The following SLC13A1 variants were observed in gnomAD, a reference collection of about 807,000 sequenced individuals.
The protein encoded by SLC13A1 is Na(+)/sulfate cotransporter.
A neutral mutation model predicts 70.0 loss-of-function variants in SLC13A1; 65 were observed. The observed-to-expected ratio is 0.93, with a 90% confidence interval of 0.76 to 1.14. The LOEUF (loss-of-function observed/expected upper bound fraction) is 1.14. Ranked by LOEUF, SLC13A1 falls within the 50% of genes most tolerant of loss-of-function variation. The pLI, the probability that SLC13A1 is intolerant of heterozygous loss-of-function variation, is 0.00. For missense variants in SLC13A1, 726 were observed against 717.8 expected (o/e 1.01, Z -0.13); for synonymous variants, 275 against 250.5 (o/e 1.10, Z -0.92).
chr7:123,119,289 T>A, intron 12 of SLC13A1, 47 bp from the exon 13 acceptor site: 1 of 1,263,574 alleles, frequency 7.9e-7, no homozygotes, highest in Non-Finnish European at 1.1e-6. Flanking sequence ...TAATTCTTTG[T>A]AATCAGACAC....
chr7:123,126,834 G>T (rs564425259), intron 10 of SLC13A1, among the ~76,000 whole-genome samples: 2 of 151,986 alleles, frequency 1.3e-5, no homozygotes, highest in South Asian at 4.1e-4. Flanking sequence ...ATTGGGCCAG[G>T]CATCATGTAA....
At chr7:123,185,381 CCT>C (rs1406896624) in intron 1 of SLC13A1, among the ~76,000 whole-genome samples, 1 of 151,980 alleles carries the variant, frequency 6.6e-6, no homozygotes, top group African/African-American at 2.4e-5. Context: ...GAGCTATTCC[CCT>C]GTTTTGTATT....
At chr7:123,135,054 T>C (rs1479932744) in intron 7 of SLC13A1, among the ~76,000 whole-genome samples, 1 of 152,216 alleles carries the variant, frequency 6.6e-6, no homozygotes, top group African/African-American at 2.4e-5. Flanking sequence ...TTTTCCTTTC[T>C]GTTTCTTCTA....
At chr7:123,187,992 A>G (rs1433276764) in intron 1 of SLC13A1, among the ~76,000 whole-genome samples, 1 of 152,094 alleles carries the variant, frequency 6.6e-6, no homozygotes, top group South Asian at 2.1e-4. Context: ...ACTTTACTAG[A>G]TATTGCCCAT....
chr7:123,147,313 G>A lies in SLC13A1; in HGVS notation c.661-3C>T. On this transcript the variant is annotated splice_polypyrimidine_tract_variant and splice_region_variant and intron_variant, in intron 6 of 14. Transcript: ENST00000194130. ...TATTTGGTTCTCATGCCTGAGTTCT[G>A]TTCAACAACAACAAAAAACTACCAT... 6.2e-7 allele frequency: 1 copy of A among 1,612,734 alleles called. No individual in the cohort carries two copies. Among genetic ancestry groups the A allele is most frequent in the South Asian group, 1.1e-5 (1 of 90,932 alleles).
At chr7:123,130,305 G>T (rs1392149298) in intron 8 of SLC13A1, among the ~76,000 whole-genome samples, 1 of 152,098 alleles carries the variant, frequency 6.6e-6, no homozygotes, top group Admixed American at 6.6e-5. Context: ...CAAAGACATG[G>T]AATCAACCCA....
At chr7:123,130,150 C>A (rs890057794) in intron 8 of SLC13A1, among the ~76,000 whole-genome samples, 2 of 152,074 alleles carry the variant, frequency 1.3e-5, no homozygotes, top group Non-Finnish European at 2.9e-5. Flanking sequence ...CTAAACTAAG[C>A]CTAGTCTTAG....
Position 123,125,650 on chromosome 7 carries a change from T to G in SLC13A1, c.1159A>C (p.Thr387Pro). ...AGCAGCCCTATAAGTAAAGCAACAG[T>G]TGAATCTGTAGCAAAACCAGGGTAC... ...SEYPGFATDSTVALLIGLLFF... is the reference protein window; with the variant it reads ...SEYPGFATDSPVALLIGLLFF... The change falls in exon 11 of 15, where the codon ACT becomes CCT. Residue 387 changes from threonine (T) to proline (P), a missense_variant. Thr to Pro is a conservative substitution (Grantham distance 38). Coordinates refer to ENST00000194130, the MANE Select transcript of SLC13A1 (RefSeq NM_022444.4). 6.2e-7 allele frequency: 1 copy of G among 1,612,982 alleles called. No individual in the cohort carries two copies. Among genetic ancestry groups the G allele is most frequent in the African/African-American group, 1.3e-5 (1 of 74,988 alleles).
At position 123,182,522 on chromosome 7, in the gene SLC13A1, C is replaced by G. The variant is rs538245656; in HGVS notation, c.100-1421G>C. 4.6e-5 allele frequency among the ~76,000 whole-genome samples: 7 copies of G among 152,160 alleles called. No homozygotes were observed. The East Asian group carries it at 1.4e-3, about 30-fold the overall frequency. ...ACTATTCCAATATCAGGTCACTTTC[C>G]AAGAATCCATTTTGTATTTGGCATT... On this transcript the variant is annotated intron_variant, in intron 1 of 14. Transcript: ENST00000194130.
chr7:123,123,006 C>T, intron 12 of SLC13A1, 120 bp downstream of exon 12: 1 of 750,726 alleles, frequency 1.3e-6, no homozygotes, highest in South Asian at 1.6e-5. Flanking sequence ...GCATAGCTAG[C>T]AAAATTTGCA....
Position 123,181,005 on chromosome 7 carries a change from A to G in SLC13A1, c.196T>C (p.Leu66=), listed in dbSNP as rs1288665749. The G allele has an allele frequency of 5.6e-6, 9 of 1,612,710 alleles. No individual in the cohort carries two copies. In the South Asian group the frequency reaches 8.8e-5, roughly 16 times the overall value. ...SVTALLPSLM[L]PMFGIMPSKK... ...GAAGGCATGATCCCAAACATGGGTAACATTAAACTAGGTAGCAAAGCTGTT... is the reference window on the plus strand; with the variant it reads ...GAAGGCATGATCCCAAACATGGGTAGCATTAAACTAGGTAGCAAAGCTGTT... The change falls in exon 2 of 15, where the codon TTA becomes CTA. Residue 66 remains leucine, a synonymous_variant. Coordinates refer to ENST00000194130, the MANE Select transcript of SLC13A1 (RefSeq NM_022444.4).
chr7:123,116,360 A>G (rs1793180962), intron 14 of SLC13A1, among the ~76,000 whole-genome samples: 1 of 152,230 alleles, frequency 6.6e-6, no homozygotes, highest in Admixed American at 6.5e-5. Context: ...ATTTGTTTAC[A>G]TATTTTCTTT....
At chr7:123,183,985 A>G (rs1795718808) in intron 1 of SLC13A1, among the ~76,000 whole-genome samples, 1 of 152,140 alleles carries the variant, frequency 6.6e-6, no homozygotes, top group Admixed American at 6.6e-5. Flanking sequence ...TTATAATTTC[A>G]GCTAGCTAAG....
intron 7 of SLC13A1, among the ~76,000 whole-genome samples, chr7:123,143,880 A>G (rs1303249558): frequency 6.6e-6 from 1 of 152,184 alleles, no homozygotes; most frequent in Non-Finnish European, 1.5e-5. Context: ...TAAGCCACTA[A>G]GTTGATTGCC....
At chr7:123,143,663 T>A (rs1406069045) in intron 7 of SLC13A1, among the ~76,000 whole-genome samples, 1 of 152,150 alleles carries the variant, frequency 6.6e-6, no homozygotes, top group Non-Finnish European at 1.5e-5. Context: ...CCTCTTTCAA[T>A]GATATGAAAT....
At chr7:123,118,974 G>C in intron 13 of SLC13A1, 107 bp downstream of exon 13, 1 of 894,264 alleles carries the variant, frequency 1.1e-6, no homozygotes, top group Non-Finnish European at 1.7e-6. Flanking sequence ...CTTACAGGAG[G>C]CCCATTTAGA....
At chr7:123,124,768 A>G (rs1330965085) in intron 11 of SLC13A1, among the ~76,000 whole-genome samples, 2 of 152,100 alleles carry the variant, frequency 1.3e-5, no homozygotes, top group Admixed American at 1.3e-4. Context: ...TTGTAAATAC[A>G]ATGAATGCTG....
At chr7:123,136,370 AATC>A (rs1176174668) in intron 7 of SLC13A1, among the ~76,000 whole-genome samples, 1 of 152,190 alleles carries the variant, frequency 6.6e-6, no homozygotes, top group Admixed American at 6.5e-5. Context: ...ATGCCTCTAT[AATC>A]ATAACCTTTA....
chr7:123,162,639 C>T (rs1794952699), intron 6 of SLC13A1, among the ~76,000 whole-genome samples: 1 of 151,988 alleles, frequency 6.6e-6, no homozygotes, highest in Non-Finnish European at 1.5e-5. Flanking sequence ...AGCTAAAATA[C>T]CTTTTTCATA....
Sources: allele counts gnomAD v4.1 joint callset (sites outside exome capture counted in the v4.1 genomes callset), GRCh38; gene constraint gnomAD v4.1.1; transcripts MANE v1.5; gene names NCBI Gene and HGNC (gene_info 2026-07-23, HGNC 2026-07-21).